The following DLGAP2 variants were observed in gnomAD, a reference collection of about 807,000 sequenced individuals.
DLGAP2 encodes DLG associated protein 2, also known as disks large-associated protein 2.
In DLGAP2, 26 loss-of-function variants were observed where a neutral mutation model predicts 100.3. The observed-to-expected ratio is 0.26, with a 90% CI of 0.19 to 0.36. The LOEUF (loss-of-function observed/expected upper bound fraction) is 0.36, where lower values mean the gene tolerates loss of function less well. Among genes scored for constraint, DLGAP2 ranks in the 10% least tolerant of loss-of-function variants. The probability of loss-of-function intolerance (pLI) is 1.00; values close to 1 mark genes in which losing one functional copy is unlikely to be tolerated. For synonymous variants in DLGAP2, 886 were observed against 630.1 expected (o/e 1.41, Z -6.08); for missense variants, 1,858 against 1,453.2 (o/e 1.28, Z -4.53).
At chr8:1,203,603 G>A (rs774356175) in intron 2 of DLGAP2, among the ~76,000 whole-genome samples, 25 of 152,136 alleles carry the variant, frequency 1.6e-4, no homozygotes, top group African/African-American at 3.9e-4. Flanking sequence ...TCAGCTTCTC[G>A]TTTGAATGTA....
chr8:1,150,633 T>G lies in DLGAP2; in HGVS notation c.74-108218T>G, dbSNP rs551279234. Among the ~76,000 whole-genome samples, 11 of 152,352 alleles carry G rather than the reference T, an allele frequency of 7.2e-5. 2 individuals are homozygous for G. In the South Asian group the frequency reaches 2.1e-3, roughly 29 times the overall value. ...GGAGAGAAGGGTGGTGTCCATGCCC[T>G]GTTGACAGGATTGGACACTGCTCAA... On this transcript the variant is annotated intron_variant, in intron 2 of 14. Transcript: ENST00000637795.
At chr8:866,227 G>C (rs971502191) in intron 1 of DLGAP2, among the ~76,000 whole-genome samples, 1 of 152,146 alleles carries the variant, frequency 6.6e-6, no homozygotes, top group African/African-American at 2.4e-5. Context: ...CTTACCCCAG[G>C]CCTGTCCAGA....
At chr8:1,691,072 A>G (rs1464154732) in intron 12 of DLGAP2, among the ~76,000 whole-genome samples, 1 of 152,210 alleles carries the variant, frequency 6.6e-6, no homozygotes, top group Non-Finnish European at 1.5e-5. Flanking sequence ...ATTGAATCCA[A>G]TGAGAGAACC....
At chr8:888,831 C>G (rs1330896928) in intron 1 of DLGAP2, among the ~76,000 whole-genome samples, 3 of 151,994 alleles carry the variant, frequency 2.0e-5, no homozygotes, top group African/African-American at 7.3e-5. Context: ...GTGTGACAAC[C>G]CCTGTTGGAG....
intron 2 of DLGAP2, among the ~76,000 whole-genome samples, chr8:943,722 C>T (rs1799249671): frequency 6.6e-6 from 1 of 152,186 alleles, no homozygotes; most frequent in African/African-American, 2.4e-5. Flanking sequence ...GTGATGTGGC[C>T]ATCCCGCCAC....
At chr8:1,190,565 A>G (rs1369305432) in intron 2 of DLGAP2, among the ~76,000 whole-genome samples, 2 of 152,100 alleles carry the variant, frequency 1.3e-5, no homozygotes, top group Non-Finnish European at 2.9e-5. Flanking sequence ...CTCATCTCAC[A>G]GGGCACTGCG....
At chr8:974,037 A>G (rs966402696) in intron 2 of DLGAP2, among the ~76,000 whole-genome samples, 7 of 152,138 alleles carry the variant, frequency 4.6e-5, no homozygotes, top group Non-Finnish European at 1.0e-4. Flanking sequence ...AATACAAAAG[A>G]AGTAACATAT....
chr8:1,522,355 T>C (rs1221739238), intron 4 of DLGAP2, among the ~76,000 whole-genome samples: 1 of 152,130 alleles, frequency 6.6e-6, no homozygotes, highest in East Asian at 1.9e-4. Flanking sequence ...AACAGCTGAG[T>C]GCATGGGGAA....
At chr8:879,031 C>A (rs1797735584) in intron 1 of DLGAP2, among the ~76,000 whole-genome samples, 1 of 152,184 alleles carries the variant, frequency 6.6e-6, no homozygotes. Flanking sequence ...CTACCAATAT[C>A]CTAATTGGCC....
chr8:1,291,925 C>T (rs1241392110), intron 3 of DLGAP2, among the ~76,000 whole-genome samples: 5 of 152,274 alleles, frequency 3.3e-5, no homozygotes, highest in East Asian at 3.9e-4. Flanking sequence ...AATGTTCACT[C>T]TCAAAAGACT....
At chr8:756,835 A>G (rs1820933542) in intron 1 of DLGAP2, among the ~76,000 whole-genome samples, 1 of 151,980 alleles carries the variant, frequency 6.6e-6, no homozygotes, top group South Asian at 2.1e-4. Flanking sequence ...ACCATCCTAC[A>G]CACAGCTGCC....
intron 2 of DLGAP2, among the ~76,000 whole-genome samples, chr8:1,253,028 C>T (rs1358784016): frequency 1.3e-5 from 2 of 152,174 alleles, no homozygotes; most frequent in Admixed American, 1.3e-4. Flanking sequence ...GCCCTCATCC[C>T]GCTGTCCCTC....
At chr8:1,467,773 G>A (rs964376375) in intron 3 of DLGAP2, among the ~76,000 whole-genome samples, 26 of 152,178 alleles carry the variant, frequency 1.7e-4, no homozygotes, top group African/African-American at 6.0e-4. Context: ...AGAGACCACC[G>A]TGGTTCTCAA....
intron 2 of DLGAP2, among the ~76,000 whole-genome samples, chr8:1,030,281 T>C (rs1461762649): frequency 1.3e-5 from 2 of 152,214 alleles, no homozygotes; most frequent in African/African-American, 4.8e-5. Context: ...GAGTTTATTC[T>C]CAAGACTCTT....
rs907342890 is a variant in DLGAP2 at position 1,501,264 on chromosome 8, T to C, written c.107-102T>C. On this transcript the variant is annotated intron_variant, in intron 3 of 14. Coordinates refer to ENST00000637795, the MANE Select transcript of DLGAP2 (RefSeq NM_001346810.2). ...TGAAGAAATACAAAGGTGTCTGTCA[T>C]GTTTGAACTGTTGAGTGTGGAGGGT... is the stretch of plus-strand genomic sequence containing the variant. 4 of 1,231,212 alleles carry C rather than the reference T, an allele frequency of 3.2e-6. No homozygotes were observed. In the African/African-American group the frequency reaches 4.5e-5, roughly 14 times the overall value. The allele number at this position is 1,231,212 out of a possible 1,614,324, so 76.3% of individuals were successfully genotyped here.
chr8:956,420 C>T (rs1489069098), intron 2 of DLGAP2, among the ~76,000 whole-genome samples: 1 of 152,180 alleles, frequency 6.6e-6, no homozygotes, highest in Non-Finnish European at 1.5e-5. Flanking sequence ...CTGGAGATCA[C>T]TGCAGGCTGG....
At chr8:970,348 G>A (rs1799982341) in intron 2 of DLGAP2, among the ~76,000 whole-genome samples, 1 of 152,146 alleles carries the variant, frequency 6.6e-6, no homozygotes, top group Admixed American at 6.5e-5. Context: ...AAAAAATTGT[G>A]TGCAACTCAT....
intron 2 of DLGAP2, among the ~76,000 whole-genome samples, chr8:1,123,846 C>T (rs1393372605): frequency 6.6e-6 from 1 of 152,090 alleles, no homozygotes; most frequent in Admixed American, 6.6e-5. Context: ...ACCTTTTCCT[C>T]AGTATTCTTT....
chr8:1,106,881 A>T (rs1411248071), intron 2 of DLGAP2, among the ~76,000 whole-genome samples: 1 of 152,196 alleles, frequency 6.6e-6, no homozygotes, highest in African/African-American at 2.4e-5. Flanking sequence ...ATGAGAATAG[A>T]ACCATTTGGA....
Sources: allele counts gnomAD v4.1 joint callset (sites outside exome capture counted in the v4.1 genomes callset), GRCh38; gene constraint gnomAD v4.1.1; transcripts MANE v1.5; gene names NCBI Gene and HGNC (gene_info 2026-07-23, HGNC 2026-07-21).